CAMK4: variants seen among roughly 807,000 people sequenced by gnomAD.
The protein encoded by CAMK4 is calcium/calmodulin-dependent protein kinase type IV.
A neutral mutation model predicts 44.9 loss-of-function variants in CAMK4; 22 were observed. That is an observed-to-expected ratio of 0.49 (90% CI 0.35 to 0.70). The LOEUF (loss-of-function observed/expected upper bound fraction) is 0.70. CAMK4 is among the 30% of genes least tolerant of loss of function. The pLI is 0.01. For missense variants in CAMK4, 498 were observed against 586.8 expected (o/e 0.85, Z 1.56); for synonymous variants, 218 against 215.4 (o/e 1.01, Z -0.11).
chr5:111,374,772 G>C, intron 2 of CAMK4, 78 bp from the exon 3 acceptor site: 1 of 864,768 alleles, frequency 1.2e-6, no homozygotes, highest in Non-Finnish European at 2.0e-6. Flanking sequence ...CACCCAGGTA[G>C]TTATTGCTGT....
chr5:111,405,279 C>T (rs1300633998), intron 5 of CAMK4, among the ~76,000 whole-genome samples: 1 of 152,144 alleles, frequency 6.6e-6, no homozygotes, highest in African/African-American at 2.4e-5. Flanking sequence ...ACCATCCTGG[C>T]CAACGTGGTG....
intron 1 of CAMK4, among the ~76,000 whole-genome samples, chr5:111,234,448 A>G (rs900986546): frequency 6.6e-6 from 1 of 152,210 alleles, no homozygotes; most frequent in African/African-American, 2.4e-5. Context: ...TTTGGCTTCA[A>G]CAACAAAGTT....
intron 1 of CAMK4, among the ~76,000 whole-genome samples, chr5:111,243,458 T>C (rs1390972819): frequency 6.6e-6 from 1 of 152,192 alleles, no homozygotes; most frequent in African/African-American, 2.4e-5. Context: ...AGCACACAGA[T>C]GGGCGTAGCA....
At chr5:111,284,940 A>G (rs1467578591) in intron 1 of CAMK4, among the ~76,000 whole-genome samples, 1 of 152,224 alleles carries the variant, frequency 6.6e-6, no homozygotes, top group African/African-American at 2.4e-5. Flanking sequence ...AAAATTGCCC[A>G]TGGAACCTAA....
At chr5:111,266,368 A>G (rs907411571) in intron 1 of CAMK4, among the ~76,000 whole-genome samples, 20 of 152,166 alleles carry the variant, frequency 1.3e-4, no homozygotes, top group Admixed American at 7.9e-4. Flanking sequence ...CTTTCTTTAT[A>G]TAAGCTACAC....
At chr5:111,403,956 C>A (rs1194857818) in intron 5 of CAMK4, among the ~76,000 whole-genome samples, 2 of 152,154 alleles carry the variant, frequency 1.3e-5, no homozygotes, top group African/African-American at 2.4e-5. Context: ...ATCACTCAAT[C>A]TATAAATTTG....
chr5:111,246,353 G>A (rs1291069885), intron 1 of CAMK4, among the ~76,000 whole-genome samples: 1 of 152,084 alleles, frequency 6.6e-6, no homozygotes, highest in Non-Finnish European at 1.5e-5. Flanking sequence ...CCTTTTATCA[G>A]TTAGGATGCT....
intron 1 of CAMK4, among the ~76,000 whole-genome samples, chr5:111,343,345 G>A (rs1240920042): frequency 1.3e-5 from 2 of 151,758 alleles, no homozygotes; most frequent in South Asian, 2.1e-4. Flanking sequence ...TCTTTCTGAA[G>A]TTGAAGTGTA....
intron 2 of CAMK4, among the ~76,000 whole-genome samples, chr5:111,352,096 A>G (rs1750134373): frequency 6.6e-6 from 1 of 152,058 alleles, no homozygotes; most frequent in African/African-American, 2.4e-5. Flanking sequence ...CCATCTCCAA[A>G]TGCTATCATT....
At chr5:111,275,908 C>G (rs1750741572) in intron 1 of CAMK4, among the ~76,000 whole-genome samples, 1 of 151,956 alleles carries the variant, frequency 6.6e-6, no homozygotes, top group Non-Finnish European at 1.5e-5. Context: ...AGGTACAACT[C>G]TGATATATCA....
intron 2 of CAMK4, among the ~76,000 whole-genome samples, chr5:111,361,714 G>A (rs1444036261): frequency 2.0e-5 from 3 of 151,968 alleles, no homozygotes; most frequent in Admixed American, 2.0e-4. Context: ...AGTTTAAACA[G>A]GACAGTGCAG....
At position 111,493,894 on chromosome 5, in the gene CAMK4, A is replaced by G. The variant is rs543649469; in HGVS notation, c.*9428A>G. On this transcript the variant is annotated 3_prime_UTR_variant, in exon 11 of 11. Coordinates refer to ENST00000282356, the MANE Select transcript of CAMK4 (RefSeq NM_001744.6). This position sits in a 1 kb window ranked among gnomAD's most constrained non-coding sequence, Gnocchi z 4.1. ...TGAAGGAAGATAGGGAGCAAGATTGACTGTCATTTGAATGATGGAAGAGAA... is the reference window on the plus strand; with the variant it reads ...TGAAGGAAGATAGGGAGCAAGATTGGCTGTCATTTGAATGATGGAAGAGAA... 6.6e-6 allele frequency: 1 copy of G among 152,278 alleles called. No individual in the cohort carries two copies. Among genetic ancestry groups the G allele is most frequent in the South Asian group, 2.1e-4 (1 of 4,828 alleles). 9.4% of individuals were successfully genotyped at this position (152,278 alleles called of 1,614,324 possible).
chr5:111,297,993 C>T (rs1747562354), intron 1 of CAMK4, among the ~76,000 whole-genome samples: 1 of 152,142 alleles, frequency 6.6e-6, no homozygotes, highest in Non-Finnish European at 1.5e-5. Context: ...ATTGGCAGCT[C>T]TTTTTTCTTT....
At chr5:111,442,246 C>T (rs562393650) in intron 5 of CAMK4, among the ~76,000 whole-genome samples, 1 of 152,114 alleles carries the variant, frequency 6.6e-6, no homozygotes, top group Non-Finnish European at 1.5e-5. Context: ...ATAATCCCAG[C>T]ACTTGGGGAG....
At chr5:111,348,373 A>G (rs1749952383) in intron 2 of CAMK4, among the ~76,000 whole-genome samples, 1 of 152,044 alleles carries the variant, frequency 6.6e-6, no homozygotes, top group Admixed American at 6.6e-5. Flanking sequence ...GGTCAGGTGC[A>G]GGACAGAGTC....
chr5:111,413,225 A>C (rs1302200328), intron 5 of CAMK4, among the ~76,000 whole-genome samples: 1 of 152,188 alleles, frequency 6.6e-6, no homozygotes, highest in Non-Finnish European at 1.5e-5. Flanking sequence ...CTAATAAATA[A>C]AAATAGGATT....
At chr5:111,293,541 C>T (rs1227468645) in intron 1 of CAMK4, among the ~76,000 whole-genome samples, 2 of 151,616 alleles carry the variant, frequency 1.3e-5, no homozygotes, top group East Asian at 3.9e-4. Flanking sequence ...ATTCCCCTGC[C>T]TCAGTCTCCG....
intron 2 of CAMK4, among the ~76,000 whole-genome samples, chr5:111,344,979 G>A (rs1025527054): frequency 6.6e-5 from 10 of 151,778 alleles, no homozygotes; most frequent in African/African-American, 1.7e-4. Context: ...TATGTGAAAT[G>A]TATGTATATA....
intron 5 of CAMK4, among the ~76,000 whole-genome samples, chr5:111,427,187 A>G (rs1316348026): frequency 1.3e-5 from 2 of 152,096 alleles, no homozygotes; most frequent in African/African-American, 2.4e-5. Context: ...CAACAGTCAG[A>G]GTTGTGAGGT....
Sources: gnomAD v4.1 joint callset for allele counts (sites outside exome capture counted in the v4.1 genomes callset) on GRCh38, gnomAD v4.1.1 for gene constraint, Gnocchi (gnomAD v3.1) non-coding constraint, MANE v1.5 for transcripts, NCBI Gene and HGNC (gene_info 2026-07-23, HGNC 2026-07-21) for gene names.